Variants in MSRA observed in about 807,000 individuals in gnomAD.
The protein encoded by MSRA is mitochondrial peptide methionine sulfoxide reductase.
MSRA carries 54 observed loss-of-function variants against 31.3 expected under a neutral mutation model. That is an observed-to-expected ratio of 1.73 (90% confidence interval 1.39 to 2.17). The LOEUF (loss-of-function observed/expected upper bound fraction) is 2.17, where lower values mean the gene tolerates loss of function less well. MSRA is among the 30% of genes most tolerant of loss of function. The pLI, the probability that MSRA is intolerant of heterozygous loss-of-function variation, is 0.00. For synonymous variants in MSRA, 169 were observed against 116.5 expected (o/e 1.45, Z -2.90); for missense variants, 507 against 300.9 (o/e 1.69, Z -5.07).
intron 5 of MSRA, among the ~76,000 whole-genome samples, chr8:10,421,549 A>C (rs1444828866): frequency 6.6e-6 from 1 of 152,000 alleles, no homozygotes; most frequent in East Asian, 1.9e-4. Flanking sequence ...GGGCACTTGG[A>C]GAATCTCGGT....
chr8:10,104,340 G>A (rs1799734976), intron 1 of MSRA, among the ~76,000 whole-genome samples: 1 of 152,208 alleles, frequency 6.6e-6, no homozygotes, highest in African/African-American at 2.4e-5. Flanking sequence ...CAAGGTTAAG[G>A]ATGCATCTGT....
At chr8:10,397,614 G>A (rs569507283) in intron 5 of MSRA, among the ~76,000 whole-genome samples, 2 of 152,320 alleles carry the variant, frequency 1.3e-5, no homozygotes, top group South Asian at 4.1e-4. Context: ...CTAAGAGAGG[G>A]CCTGGCACCT....
chr8:10,054,388 C>G lies in MSRA; in HGVS notation c.-129C>G, dbSNP rs888115979. ...GCCTCCAGCCCCGCCAGCAGCGCCC[C>G]GCGCCCGCCCGCCCGCGCCCCTGCC... On this transcript the variant is annotated 5_prime_UTR_variant, in exon 1 of 6. Transcript: ENST00000317173. 2.6e-6 allele frequency: 2 copies of G among 773,500 alleles called. No individual in the cohort carries two copies. Among genetic ancestry groups the G allele is most frequent in the African/African-American group, 3.7e-5 (2 of 54,108 alleles). 47.9% of individuals were successfully genotyped at this position (773,500 alleles called of 1,614,324 possible). A position where few individuals can be genotyped will look rare whatever the true frequency, so the allele number is the denominator to read the frequency against.
chr8:10,156,668 G>T (rs976218442), intron 1 of MSRA, among the ~76,000 whole-genome samples: 2 of 152,116 alleles, frequency 1.3e-5, no homozygotes, highest in African/African-American at 4.8e-5. Flanking sequence ...TCTGCAAGAT[G>T]AGCATATTCT....
intron 5 of MSRA, among the ~76,000 whole-genome samples, chr8:10,410,648 G>A (rs560445023): frequency 6.6e-6 from 1 of 152,172 alleles, no homozygotes; most frequent in Non-Finnish European, 1.5e-5. Flanking sequence ...ACCAGGAGAA[G>A]AGCCCAGGCC....
intron 3 of MSRA, among the ~76,000 whole-genome samples, chr8:10,258,346 C>T (rs1425297874): frequency 1.3e-5 from 2 of 152,166 alleles, no homozygotes; most frequent in Non-Finnish European, 2.9e-5. Flanking sequence ...GTGAGAAAGA[C>T]AAAACACCCA....
intron 1 of MSRA, among the ~76,000 whole-genome samples, chr8:10,205,245 G>A (rs1442362933): frequency 6.6e-6 from 1 of 152,104 alleles, no homozygotes; most frequent in African/African-American, 2.4e-5. Flanking sequence ...GCAGATGTCG[G>A]AGTCCGGAAA....
intron 1 of MSRA, among the ~76,000 whole-genome samples, chr8:10,132,513 G>A (rs973065134): frequency 2.0e-5 from 3 of 152,122 alleles, no homozygotes; most frequent in African/African-American, 7.2e-5. Context: ...CAAGGCACTG[G>A]CAGACTTGGG....
intron 5 of MSRA, among the ~76,000 whole-genome samples, chr8:10,357,695 C>T (rs950409659): frequency 6.6e-6 from 1 of 152,244 alleles, no homozygotes; most frequent in East Asian, 1.9e-4. Context: ...AAAAGTATTT[C>T]AAGACCAGCT....
intron 1 of MSRA, among the ~76,000 whole-genome samples, chr8:10,174,635 C>G (rs369176137): frequency 6.6e-6 from 1 of 152,080 alleles, no homozygotes; most frequent in African/African-American, 2.4e-5. Context: ...TTTCACCCCT[C>G]TGGAGCAGAC....
At chr8:10,322,554 CAGAG>C in intron 5 of MSRA, among the ~76,000 whole-genome samples, 1 of 152,190 alleles carries the variant, frequency 6.6e-6, no homozygotes, top group South Asian at 2.1e-4. Context: ...TGTGAAAGTG[CAGAG>C]TCTAAGGTGC....
At chr8:10,081,630 T>A (rs546693129) in intron 1 of MSRA, among the ~76,000 whole-genome samples, 2 of 152,156 alleles carry the variant, frequency 1.3e-5, no homozygotes, top group Non-Finnish European at 2.9e-5. Flanking sequence ...GGTGGACTTA[T>A]AGGCGCCCAC....
intron 1 of MSRA, among the ~76,000 whole-genome samples, chr8:10,161,956 C>G (rs554734483): frequency 2.6e-5 from 4 of 152,170 alleles, no homozygotes; most frequent in African/African-American, 9.7e-5. Flanking sequence ...GGTCTGAATA[C>G]AAGAGCGCAC....
At chr8:10,136,923 G>T (rs769557295) in intron 1 of MSRA, among the ~76,000 whole-genome samples, 6 of 152,230 alleles carry the variant, frequency 3.9e-5, no homozygotes, top group Non-Finnish European at 8.8e-5. Context: ...AGCATGGACG[G>T]CAAATAGTCT....
intron 5 of MSRA, among the ~76,000 whole-genome samples, chr8:10,395,629 C>A (rs1303161494): frequency 6.6e-6 from 1 of 152,164 alleles, no homozygotes; most frequent in Non-Finnish European, 1.5e-5. Flanking sequence ...CTCAGCTTGG[C>A]ATGCGAACAG....
Position 10,057,756 on chromosome 8 carries a change from T to C in MSRA, c.142+3098T>C, listed in dbSNP as rs535327095. Among the ~76,000 whole-genome samples, 3 of 152,302 alleles carry C rather than the reference T, an allele frequency of 2.0e-5. No individual in the cohort carries two copies. The South Asian group carries it at 6.2e-4, about 32-fold the overall frequency. On this transcript the variant is annotated intron_variant, in intron 1 of 5. Coordinates refer to ENST00000317173, the MANE Select transcript of MSRA (RefSeq NM_012331.5). ...TCTCTCCTGCTCCTTTGTGTGGAGA[T>C]GTGCCAGCTTCCTCTTCTGCCATGA...
chr8:10,115,211 C>T (rs918294901), intron 1 of MSRA, among the ~76,000 whole-genome samples: 4 of 152,176 alleles, frequency 2.6e-5, no homozygotes, highest in Non-Finnish European at 5.9e-5. Context: ...GCTGACAGCA[C>T]AATAAATTTG....
chr8:10,387,938 A>C (rs1453180753), intron 5 of MSRA, among the ~76,000 whole-genome samples: 2 of 152,218 alleles, frequency 1.3e-5, no homozygotes, highest in East Asian at 3.8e-4. Context: ...AATGCTTGGC[A>C]TGCCAAAGCC....
intron 3 of MSRA, among the ~76,000 whole-genome samples, chr8:10,282,777 T>G (rs1799691387): frequency 1.3e-5 from 2 of 152,150 alleles, no homozygotes; most frequent in South Asian, 4.1e-4. Flanking sequence ...CTCTTATCAG[T>G]GCACCTTCTT....
Sources: allele counts gnomAD v4.1 joint callset (sites outside exome capture counted in the v4.1 genomes callset), GRCh38; gene constraint gnomAD v4.1.1; transcripts MANE v1.5; gene names NCBI Gene and HGNC (gene_info 2026-07-23, HGNC 2026-07-21).